ZBTB44: variants seen among roughly 807,000 people sequenced by gnomAD.
ZBTB44 encodes zinc finger and BTB domain containing 44, also known as zinc finger and BTB domain-containing protein 44.
ZBTB44 carries 15 observed loss-of-function variants against 54.0 expected under a neutral mutation model. The ratio of observed to expected loss-of-function variants is 0.28; its 90% CI spans 0.19 to 0.43. The LOEUF (loss-of-function observed/expected upper bound fraction) is 0.43. Among genes scored for constraint, ZBTB44 ranks in the 20% least tolerant of loss-of-function variants. ZBTB44 has a pLI of 1.00. For missense variants in ZBTB44, 487 were observed against 707.1 expected, an observed-to-expected ratio of 0.69 and a Z score of 3.53; for synonymous variants, 230 against 250.1, an observed-to-expected ratio of 0.92 and a Z score of 0.76.
chr11:130,313,283 T>G (rs1324627591), intron 1 of ZBTB44, among the ~76,000 whole-genome samples: 3 of 152,230 alleles, frequency 2.0e-5, no homozygotes, highest in Non-Finnish European at 4.4e-5. Context: ...ATTAGGTTGT[T>G]CTGAGAATTA....
chr11:130,266,731 C>T (rs1939273899), intron 1 of ZBTB44, among the ~76,000 whole-genome samples: 1 of 152,162 alleles, frequency 6.6e-6, no homozygotes, highest in Admixed American at 6.5e-5. Context: ...TGCAAGAGAA[C>T]TAGAATTCAA....
chr11:130,287,471 G>A (rs184280613), intron 1 of ZBTB44, among the ~76,000 whole-genome samples: 1 of 152,226 alleles, frequency 6.6e-6, no homozygotes. Context: ...ACTAAATCCA[G>A]CATGTTCGAT....
intron 1 of ZBTB44, among the ~76,000 whole-genome samples, chr11:130,311,429 G>C (rs552852158): frequency 6.6e-6 from 1 of 152,044 alleles, no homozygotes; most frequent in East Asian, 1.9e-4. Context: ...GGCTGGCCTT[G>C]AACTCCTGGG....
At chr11:130,295,698 G>T in intron 1 of ZBTB44, 1 of 1,511,288 alleles carries the variant, frequency 6.6e-7, no homozygotes, top group Non-Finnish European at 9.2e-7. Context: ...ACTTCTGGAA[G>T]GCAGGGATCT....
intron 1 of ZBTB44, among the ~76,000 whole-genome samples, chr11:130,294,937 T>A (rs976094461): frequency 6.6e-6 from 1 of 152,186 alleles, no homozygotes; most frequent in African/African-American, 2.4e-5. Flanking sequence ...AAAGAGTTTT[T>A]AAGCGTCCAC....
chr11:130,292,359 T>C (rs1941353855), intron 1 of ZBTB44, among the ~76,000 whole-genome samples: 1 of 152,210 alleles, frequency 6.6e-6, no homozygotes, highest in Non-Finnish European at 1.5e-5. Flanking sequence ...TATCCACCAG[T>C]ATAATACTTT....
chr11:130,288,311 T>C (rs955726139), intron 1 of ZBTB44, among the ~76,000 whole-genome samples: 19 of 151,440 alleles, frequency 1.3e-4, no homozygotes, highest in African/African-American at 4.4e-4. Flanking sequence ...GAGGTAGAGG[T>C]TGCAGTGAGC....
At chr11:130,284,891 T>A (rs1415872954) in intron 1 of ZBTB44, 1 of 152,124 alleles carries the variant, frequency 6.6e-6, no homozygotes, top group Non-Finnish European at 1.5e-5. Flanking sequence ...GTCCACTGCT[T>A]TGTACAAAAA....
intron 1 of ZBTB44, among the ~76,000 whole-genome samples, chr11:130,312,836 T>C (rs1942697255): frequency 1.3e-5 from 2 of 152,200 alleles, no homozygotes; most frequent in Non-Finnish European, 2.9e-5. Flanking sequence ...GCATTAATAA[T>C]GATACTGGGG....
intron 1 of ZBTB44, among the ~76,000 whole-genome samples, chr11:130,288,213 A>C (rs1410906324): frequency 3.3e-5 from 5 of 151,626 alleles, no homozygotes; most frequent in African/African-American, 1.2e-4. Flanking sequence ...GTCTCTACCA[A>C]AAATATAAAA....
intron 1 of ZBTB44, among the ~76,000 whole-genome samples, chr11:130,303,527 C>T (rs139025633): frequency 0.041 from 6,237 of 152,106 alleles, 316 homozygotes; most frequent in African/African-American, 0.12. Context: ...CCCAGCTACT[C>T]GGGAGGCTGA....
At chr11:130,299,158 T>C (rs550736222) in intron 1 of ZBTB44, among the ~76,000 whole-genome samples, 6 of 152,268 alleles carry the variant, frequency 3.9e-5, no homozygotes, top group African/African-American at 1.4e-4. Flanking sequence ...TACATTCTTT[T>C]CAAGTGCAAA....
chr11:130,234,603 A>T (rs17605148), intron 5 of ZBTB44, among the ~76,000 whole-genome samples: 21,457 of 152,176 alleles, frequency 0.14, 1,931 homozygotes, highest in Non-Finnish European at 0.21. Flanking sequence ...TGCTCACTTA[A>T]ACAAAGATCA....
At chr11:130,253,750 C>G (rs1373871858) in intron 2 of ZBTB44, among the ~76,000 whole-genome samples, 6 of 152,176 alleles carry the variant, frequency 3.9e-5, no homozygotes, top group Non-Finnish European at 7.4e-5. Context: ...AAAAAAGAGC[C>G]TGCATTGCCA....
chr11:130,248,736 A>G (rs1565651017), intron 2 of ZBTB44, among the ~76,000 whole-genome samples: 1 of 152,208 alleles, frequency 6.6e-6, no homozygotes, highest in East Asian at 1.9e-4. Context: ...TATAGAATCC[A>G]TTTATAATAA....
intron 1 of ZBTB44, among the ~76,000 whole-genome samples, chr11:130,303,507 T>C (rs949425238): frequency 1.3e-5 from 2 of 151,820 alleles, no homozygotes; most frequent in African/African-American, 4.8e-5. Context: ...TGGTGGCGCA[T>C]GCCTGTAATC....
chr11:130,300,774 T>G (rs938669618), intron 1 of ZBTB44, among the ~76,000 whole-genome samples: 1 of 151,908 alleles, frequency 6.6e-6, no homozygotes, highest in African/African-American at 2.4e-5. Context: ...AAGAAAAAAG[T>G]AGAATTAGAA....
chr11:130,309,714 G>T (rs771185752), intron 1 of ZBTB44, among the ~76,000 whole-genome samples: 5 of 151,464 alleles, frequency 3.3e-5, no homozygotes, highest in Non-Finnish European at 7.4e-5. Context: ...GGACAACATG[G>T]TGAAACCCCA....
chr11:130,276,057 C>T (rs1052762217), intron 1 of ZBTB44, among the ~76,000 whole-genome samples: 1 of 151,130 alleles, frequency 6.6e-6, no homozygotes, highest in South Asian at 2.1e-4. Context: ...GAAACCCCGT[C>T]TCTACTAAAA....
Sources: allele counts gnomAD v4.1 joint callset (sites outside exome capture counted in the v4.1 genomes callset), GRCh38; gene constraint gnomAD v4.1.1; transcripts MANE v1.5; gene names NCBI Gene and HGNC (gene_info 2026-07-23, HGNC 2026-07-21).